RBFOX1: variants seen among roughly 807,000 people sequenced by gnomAD.
RBFOX1 encodes RNA binding protein fox-1 homolog 1.
Under a neutral mutation model 57.7 loss-of-function variants are expected in RBFOX1, and 8 were observed. The observed-to-expected ratio is 0.14, with a 90% CI of 0.08 to 0.25. The LOEUF (loss-of-function observed/expected upper bound fraction) is 0.25, where lower values mean the gene tolerates loss of function less well. Among genes scored for constraint, RBFOX1 ranks in the 10% least tolerant of loss-of-function variants. The pLI is 1.00. For synonymous variants in RBFOX1, 326 were observed against 222.4 expected (o/e 1.47, Z -4.15); for missense variants, 611 against 548.5 (o/e 1.11, Z -1.14).
chr16:6,630,089 C>G lies in RBFOX1; in HGVS notation c.-63-24514C>G, dbSNP rs117112667. Among the ~76,000 whole-genome samples the G allele has an allele frequency of 1.1e-3, 166 of 151,930 alleles. 1 individual carries two copies. The highest frequency in any genetic ancestry group is 1.9e-3 in the Non-Finnish European group (128 of 67,960). On this transcript the variant is annotated intron_variant, in intron 2 of 15. Transcript: ENST00000550418. ...TCTGACAGGAAGAGGGTTTTCAAATCCCTCCTTGGTCTAAGCTTCTGTGCT... is the reference window on the plus strand; with the variant it reads ...TCTGACAGGAAGAGGGTTTTCAAATGCCTCCTTGGTCTAAGCTTCTGTGCT...
At chr16:5,265,450 C>G (rs2062834575) in intron 1 of RBFOX1, among the ~76,000 whole-genome samples, 1 of 152,132 alleles carries the variant, frequency 6.6e-6, no homozygotes, top group African/African-American at 2.4e-5. Flanking sequence ...TTGTTGTCCC[C>G]CAAATTAAAC....
At chr16:6,417,702 C>CT (rs4036489) in intron 2 of RBFOX1, among the ~76,000 whole-genome samples, 2,052 of 145,668 alleles carry the variant, frequency 0.014, 44 homozygotes, top group African/African-American at 0.04. Context: ...AAACTCCTTT[C>CT]TTTTTAAAAA....
chr16:5,933,305 C>T (rs965448033), intron 4 of RBFOX1, among the ~76,000 whole-genome samples: 9 of 152,172 alleles, frequency 5.9e-5, no homozygotes, highest in Non-Finnish European at 1.3e-4. Context: ...CAAGGGGAGT[C>T]AATTGATTAC....
At chr16:7,653,370 C>T (rs1434167277) in intron 11 of RBFOX1, among the ~76,000 whole-genome samples, 4 of 152,020 alleles carry the variant, frequency 2.6e-5, no homozygotes, top group Non-Finnish European at 4.4e-5. Context: ...GGTGTGGTAG[C>T]ACACTTCTAT....
At chr16:7,334,850 A>G (rs561178700) in intron 4 of RBFOX1, among the ~76,000 whole-genome samples, 4 of 152,296 alleles carry the variant, frequency 2.6e-5, no homozygotes, top group African/African-American at 4.8e-5. Context: ...AAGTGGTCTT[A>G]CTTGTAAATC....
At chr16:6,477,952 CT>C (rs549682431) in intron 2 of RBFOX1, among the ~76,000 whole-genome samples, 60 of 151,646 alleles carry the variant, frequency 4.0e-4, no homozygotes, top group South Asian at 1.0e-3. Flanking sequence ...TAGCTTCACA[CT>C]TTTTTTTTGT....
chr16:6,633,716 A>C (rs2154062954), intron 2 of RBFOX1, among the ~76,000 whole-genome samples: 1 of 152,288 alleles, frequency 6.6e-6, no homozygotes, highest in Admixed American at 6.5e-5. Flanking sequence ...TGACTTTGGA[A>C]TCGAGGCTCT....
chr16:5,734,710 A>C (rs2052510015), intron 3 of RBFOX1, among the ~76,000 whole-genome samples: 1 of 152,144 alleles, frequency 6.6e-6, no homozygotes, highest in Admixed American at 6.5e-5. Context: ...CTCTCAGATG[A>C]CTTTACATGC....
At chr16:6,420,077 T>C (rs2093731881) in intron 2 of RBFOX1, among the ~76,000 whole-genome samples, 1 of 152,188 alleles carries the variant, frequency 6.6e-6, no homozygotes. Context: ...GTTTTGCAGC[T>C]AACAATGATT....
intron 4 of RBFOX1, among the ~76,000 whole-genome samples, chr16:7,399,028 G>T (rs1340298849): frequency 6.6e-6 from 1 of 152,240 alleles, no homozygotes; most frequent in Non-Finnish European, 1.5e-5. Flanking sequence ...TGGGGCAAGT[G>T]TTGAGTGACT....
intron 1 of RBFOX1, among the ~76,000 whole-genome samples, chr16:6,210,350 A>AAAC: frequency 1.6e-5 from 1 of 63,020 alleles, no homozygotes; most frequent in South Asian, 5.6e-4. Flanking sequence ...AAAAACAAAA[A>AAAC]AAAAAAACAC....
intron 4 of RBFOX1, among the ~76,000 whole-genome samples, chr16:7,184,817 A>G (rs568680139): frequency 6.6e-6 from 1 of 152,284 alleles, no homozygotes; most frequent in Non-Finnish European, 1.5e-5. Flanking sequence ...TCAGAACTTT[A>G]GAGGAGATCC....
At chr16:5,704,799 G>T (rs557504203) in intron 3 of RBFOX1, among the ~76,000 whole-genome samples, 3 of 152,170 alleles carry the variant, frequency 2.0e-5, no homozygotes, top group Admixed American at 6.5e-5. Context: ...TAATGACAGG[G>T]TGAGTTGGCC....
chr16:5,999,849 C>T (rs372372787), intron 4 of RBFOX1, among the ~76,000 whole-genome samples: 5,462 of 110,156 alleles, frequency 0.05, 281 homozygotes, highest in East Asian at 0.25. Context: ...GCCTGGGCGA[C>T]AGAGCGAGAC....
At chr16:6,862,730 A>G (rs2059232292) in intron 3 of RBFOX1, among the ~76,000 whole-genome samples, 1 of 152,196 alleles carries the variant, frequency 6.6e-6, no homozygotes, top group African/African-American at 2.4e-5. Context: ...CACACCTGTA[A>G]TCCCGGCGCT....
At chr16:5,924,607 C>A (rs1163745283) in intron 4 of RBFOX1, among the ~76,000 whole-genome samples, 1 of 152,218 alleles carries the variant, frequency 6.6e-6, no homozygotes, top group Non-Finnish European at 1.5e-5. Flanking sequence ...CTGAAGCCCT[C>A]AGCAGAAACA....
chr16:7,211,576 C>A (rs945769928), intron 4 of RBFOX1, among the ~76,000 whole-genome samples: 1 of 152,028 alleles, frequency 6.6e-6, no homozygotes, highest in Admixed American at 6.5e-5. Flanking sequence ...GGCCTTGAGT[C>A]TTAAAAGAGA....
chr16:6,648,234 T>A (rs1260020150), intron 2 of RBFOX1, among the ~76,000 whole-genome samples: 1 of 151,190 alleles, frequency 6.6e-6, no homozygotes, highest in Non-Finnish European at 1.5e-5. Context: ...TTTATTATTA[T>A]TTTTTTTGTA....
chr16:7,554,613 G>C (rs1216510931), intron 5 of RBFOX1, among the ~76,000 whole-genome samples: 3 of 151,932 alleles, frequency 2.0e-5, no homozygotes, highest in Admixed American at 6.6e-5. Context: ...GTGAACACCA[G>C]TGAATTCAGA....
Sources: gnomAD v4.1 joint callset for allele counts (sites outside exome capture counted in the v4.1 genomes callset) on GRCh38, gnomAD v4.1.1 for gene constraint, MANE v1.5 for transcripts, NCBI Gene and HGNC (gene_info 2026-07-23, HGNC 2026-07-21) for gene names.